OXNAD1: variants seen among roughly 807,000 people sequenced by gnomAD.
The protein encoded by OXNAD1 is oxidoreductase NAD binding domain containing 1.
A neutral mutation model predicts 32.9 loss-of-function variants in OXNAD1; 34 were observed. The ratio of observed to expected loss-of-function variants is 1.03; its 90% CI spans 0.79 to 1.38. The LOEUF is 1.38. Ranked by LOEUF, OXNAD1 falls within the 40% of genes most tolerant of loss-of-function variation. OXNAD1 has a pLI of 0.00. For synonymous variants in OXNAD1, 134 were observed against 135.2 expected (o/e 0.99, Z 0.06); for missense variants, 407 against 379.4 (o/e 1.07, Z -0.60).
Position 16,317,814 on chromosome 3 carries a change from C to T in OXNAD1, c.*30+14222C>T, listed in dbSNP as rs1372528117. On this transcript the variant is annotated intron_variant, in intron 9 of 9. Coordinates refer to the OXNAD1 transcript ENST00000435829. This position sits in a 1 kb window ranked among gnomAD's most constrained non-coding sequence, Gnocchi z 4.3. Reference sequence around the variant, plus strand: ...CCACCACCTCACAGAAGGGTCACACCAGGGCAACCTACAACCAATGACTGC... The same window carrying T: ...CCACCACCTCACAGAAGGGTCACACTAGGGCAACCTACAACCAATGACTGC... 6.9e-6 allele frequency among the ~76,000 whole-genome samples: 1 copy of T among 144,212 alleles called. No homozygotes were observed. Among genetic ancestry groups the T allele is most frequent in the African/African-American group, 2.9e-5 (1 of 35,008 alleles). 94.6% of individuals were successfully genotyped at this position (144,212 alleles called of 152,430 possible).
downstream of OXNAD1, among the ~76,000 whole-genome samples, chr3:16,307,257 G>T (rs1341911998): frequency 1.3e-5 from 2 of 152,092 alleles, no homozygotes; most frequent in Admixed American, 6.5e-5. Flanking sequence ...TCAATTTTTT[G>T]ATGTTCAGCT....
At chr3:16,323,517 C>A in intron 9 of OXNAD1, 1 of 1,222,726 alleles carries the variant, frequency 8.2e-7, no homozygotes, top group Non-Finnish European at 1.2e-6. Flanking sequence ...CAAAACCTGA[C>A]ACAGATGTTG....
intron 9 of OXNAD1, chr3:16,315,773 G>GGGGGGTGTGGGCTGGAATCCTTTGGACAT (rs2068322610): frequency 6.6e-6 from 1 of 152,230 alleles, no homozygotes; most frequent in Non-Finnish European, 1.5e-5. Context: ...TATAGTGAAT[G>GGGGGGTGTGGGCTGGAATCCTTTGGACAT]GGGGGTGTGG....
chr3:16,270,924 T>G, intron 2 of OXNAD1, 21 bp from the exon 3 acceptor site: 1 of 1,613,486 alleles, frequency 6.2e-7, no homozygotes, highest in Non-Finnish European at 8.5e-7. Flanking sequence ...AATTTGAAAT[T>G]TCAGTTTTCT....
In OXNAD1 at chr3:16,317,007, G is replaced by T; in HGVS notation, c.*30+13415G>T. On this transcript the variant is annotated intron_variant, in intron 9 of 9. Coordinates refer to the OXNAD1 transcript ENST00000435829. This position sits in a 1 kb window ranked among gnomAD's most constrained non-coding sequence, Gnocchi z 4.3. ...CCACACAGCAGGCCACCAGGGGACA[G>T]CTGTTCTCCCTTGTCCTCTTGGACA... 1 of 1,614,024 alleles carries T rather than the reference G, an allele frequency of 6.2e-7. No individual in the cohort carries two copies. Among genetic ancestry groups the T allele is most frequent in the Non-Finnish European group, 8.5e-7 (1 of 1,180,018 alleles).
chr3:16,349,229 G>A (rs2071931416), exon 10 of OXNAD1: 1 of 152,258 alleles, frequency 6.6e-6, no homozygotes, highest in Non-Finnish European at 1.5e-5. Context: ...AATTTCAGAG[G>A]CTCAGAGGAA....
downstream of OXNAD1, among the ~76,000 whole-genome samples, chr3:16,341,673 T>C (rs2071327851): frequency 6.6e-6 from 1 of 152,210 alleles, no homozygotes; most frequent in African/African-American, 2.4e-5. The surrounding 1 kb of genome is among the most constrained non-coding windows in gnomAD (Gnocchi z 4.7). Context: ...CATGAATTAC[T>C]ATACAAGAGC....
At chr3:16,350,852 CTG>C (rs2072050156), downstream of OXNAD1, among the ~76,000 whole-genome samples, 4 of 152,268 alleles carry the variant, frequency 2.6e-5, no homozygotes, top group South Asian at 8.3e-4. Context: ...CTTGGAGAAA[CTG>C]TGGCAATAGA....
At chr3:16,282,402 A>C (rs1304563710) in intron 4 of OXNAD1, among the ~76,000 whole-genome samples, 1 of 151,698 alleles carries the variant, frequency 6.6e-6, no homozygotes, top group Non-Finnish European at 1.5e-5. Context: ...CATTTCTACC[A>C]ATCTTTGTTC....
chr3:16,340,686 T>G (rs534900722), downstream of OXNAD1, among the ~76,000 whole-genome samples: 4 of 152,354 alleles, frequency 2.6e-5, no homozygotes, highest in Admixed American at 2.6e-4. Context: ...GGAAGGTAAC[T>G]CTGCAGTTAT....
intron 5 of OXNAD1, among the ~76,000 whole-genome samples, chr3:16,293,160 G>A (rs1316453031): frequency 1.3e-5 from 2 of 152,170 alleles, no homozygotes; most frequent in Admixed American, 1.3e-4. Flanking sequence ...CATGAACATG[G>A]AATATGCTTC....
At chr3:16,341,549 C>T (rs140111237), downstream of OXNAD1, among the ~76,000 whole-genome samples, 1 of 152,202 alleles carries the variant, frequency 6.6e-6, no homozygotes, top group East Asian at 1.9e-4. This position sits in a 1 kb window ranked among gnomAD's most constrained non-coding sequence, Gnocchi z 4.7. Context: ...GAAAAGGCTA[C>T]ATACTGTATG....
In OXNAD1 at chr3:16,286,377, T is replaced by G. The variant is rs534773677; in HGVS notation, c.219T>G (p.Ser73Arg). ...CAGCTAAGGTGTGTGGAGCTGCCAG[T>G]GAGTCACCGTCAGTGAAGAGCCTCC... The part of the protein sequence containing the change: ...VSAAKVCGAA[S>R]ESPSVKSLRL... The change falls in exon 5 of 9, where the codon AGT (serine) becomes AGG (arginine). Residue 73 changes from serine to arginine, a missense_variant. By Grantham distance (110) the Ser-to-Arg change is moderately radical. Coordinates refer to ENST00000285083, the MANE Select transcript of OXNAD1 (RefSeq NM_138381.5). 2.3e-4 allele frequency: 378 copies of G among 1,613,962 alleles called. 3 individuals carry two copies. In the South Asian group the frequency reaches 3.1e-3, roughly 13 times the overall value.
intron 6 of OXNAD1, among the ~76,000 whole-genome samples, chr3:16,296,274 T>C (rs572882742): frequency 3.8e-4 from 51 of 134,710 alleles, no homozygotes; most frequent in Admixed American, 2.5e-3. Flanking sequence ...CTCTTGCAAA[T>C]AGTCCAAAAA....
At position 16,287,156 on chromosome 3, in the gene OXNAD1, A is replaced by G. The variant is rs2066131625; in HGVS notation, c.290+708A>G. ...TTCAATTGTAAGGAAAGCAACTTGA[A>G]TTTCCCTAGGAAAGGTGTGTTTGGG... On this transcript the variant is annotated intron_variant, in intron 5 of 8. Coordinates refer to ENST00000285083, the MANE Select transcript of OXNAD1 (RefSeq NM_138381.5). This position sits in a 1 kb window ranked among gnomAD's most constrained non-coding sequence, Gnocchi z 4.8. 6.6e-6 allele frequency among the ~76,000 whole-genome samples: 1 copy of G among 152,140 alleles called. No individual in the cohort carries two copies. The highest frequency in any genetic ancestry group is 2.4e-5 in the African/African-American group (1 of 41,426).
In OXNAD1 at chr3:16,305,207, C is replaced by T. The variant is rs2067466061; in HGVS notation, c.*1645C>T. The T allele has an allele frequency of 6.6e-6, 1 of 152,182 alleles. No individual in the cohort carries two copies. The highest frequency in any genetic ancestry group is 1.5e-5 in the Non-Finnish European group (1 of 68,144). The allele number at this position is 152,182 out of a possible 1,614,324, so 9.4% of individuals were successfully genotyped here. On this transcript the variant is annotated 3_prime_UTR_variant, in exon 9 of 9. Transcript: ENST00000285083. This position sits in a 1 kb window ranked among gnomAD's most constrained non-coding sequence, Gnocchi z 4.5. ...TGAAGGCAGTCTGCGGGGGAGGACA[C>T]CTAAAGGTATGCGGAAAGTACCTAA...
chr3:16,294,488 C>A (rs150695897), intron 5 of OXNAD1, among the ~76,000 whole-genome samples: 1 of 152,188 alleles, frequency 6.6e-6, no homozygotes, highest in Non-Finnish European at 1.5e-5. Flanking sequence ...GGATTACAGG[C>A]GTGAGCCACT....
chr3:16,298,142 C>T lies in OXNAD1; in HGVS notation c.432+3145C>T, dbSNP rs534035343. On this transcript the variant is annotated intron_variant, in intron 6 of 8. Transcript: ENST00000285083. The surrounding 1 kb of genome is among the most constrained non-coding windows in gnomAD (Gnocchi z 5.1). ...TACCCTGCAACCTTCTGAGTCTCTC[C>T]GTCAGTGTGGCCTCAGCTGCCTCAT... is the stretch of plus-strand genomic sequence containing the variant. 4.6e-5 allele frequency among the ~76,000 whole-genome samples: 7 copies of T among 152,222 alleles called. No individual in the cohort carries two copies. Among genetic ancestry groups the T allele is most frequent in the East Asian group, 3.9e-4 (2 of 5,174 alleles).
At position 16,288,661 on chromosome 3, in the gene OXNAD1, G is replaced by T. The variant is rs1029106361; in HGVS notation, c.290+2213G>T. On this transcript the variant is annotated intron_variant, in intron 5 of 8. Coordinates refer to ENST00000285083, the MANE Select transcript of OXNAD1 (RefSeq NM_138381.5). This position sits in a 1 kb window ranked among gnomAD's most constrained non-coding sequence, Gnocchi z 5.1. ...CCAAGAACTGTAGCAATCCAATCCC[G>T]AGAGAAAGGCCAAAGGCAGAACCAC... Among the ~76,000 whole-genome samples the T allele has an allele frequency of 1.3e-5, 2 of 152,164 alleles. No homozygotes were observed. Among genetic ancestry groups the T allele is most frequent in the African/African-American group, 2.4e-5 (1 of 41,424 alleles).
Sources: allele counts gnomAD v4.1 joint callset (sites outside exome capture counted in the v4.1 genomes callset), GRCh38; gene constraint gnomAD v4.1.1; non-coding constraint Gnocchi (gnomAD v3.1); transcripts MANE v1.5; gene names NCBI Gene and HGNC (gene_info 2026-07-23, HGNC 2026-07-21).